CACNG2: variants seen among roughly 807,000 people sequenced by gnomAD.
CACNG2 encodes the protein calcium voltage-gated channel auxiliary subunit gamma 2.
Under a neutral mutation model 25.9 loss-of-function variants are expected in CACNG2, and 3 were observed. The ratio of observed to expected loss-of-function variants is 0.12; its 90% CI spans 0.05 to 0.30. The LOEUF (loss-of-function observed/expected upper bound fraction) is 0.30. Ranked by LOEUF, CACNG2 falls within the 10% of genes least tolerant of loss-of-function variation. CACNG2 has a pLI of 1.00. For synonymous variants in CACNG2, 167 were observed against 173.3 expected, an observed-to-expected ratio of 0.96 and a Z score of 0.29; for missense variants, 341 against 432.5, an observed-to-expected ratio of 0.79 and a Z score of 1.88.
chr22:36,622,933 T>C (rs1603501889), intron 1 of CACNG2, among the ~76,000 whole-genome samples: 1 of 147,098 alleles, frequency 6.8e-6, no homozygotes. Flanking sequence ...CACTCCAGCC[T>C]GGGCAACAAG....
intron 1 of CACNG2, among the ~76,000 whole-genome samples, chr22:36,652,584 T>C (rs1371007015): frequency 1.3e-5 from 2 of 152,184 alleles, no homozygotes; most frequent in Non-Finnish European, 2.9e-5. Context: ...AAAACCCCCA[T>C]ATACCTGTTT....
At chr22:36,599,101 C>T (rs890800928) in intron 1 of CACNG2, among the ~76,000 whole-genome samples, 3 of 152,180 alleles carry the variant, frequency 2.0e-5, no homozygotes, top group African/African-American at 7.2e-5. Flanking sequence ...ATGTTCATAA[C>T]AGCACTGCTT....
intron 1 of CACNG2, among the ~76,000 whole-genome samples, chr22:36,694,151 C>T (rs751996793): frequency 1.5e-4 from 23 of 152,188 alleles, no homozygotes; most frequent in Admixed American, 3.3e-4. Context: ...ACCCTGCCTA[C>T]GTTTCTCCCT....
rs151094322 is a variant in CACNG2, at chr22:36,578,280, C to T, written c.295+9185G>A. Among the ~76,000 whole-genome samples the T allele has an allele frequency of 5.7e-3, 859 of 151,794 alleles. 11 individuals carry two copies. The highest frequency in any genetic ancestry group is 0.02 in the African/African-American group (834 of 41,320). On this transcript the variant is annotated intron_variant, in intron 2 of 3. Coordinates refer to ENST00000300105, the MANE Select transcript of CACNG2 (RefSeq NM_006078.5). ...TACTGAGACAGAAGAATTGCTTGAA[C>T]CCAGGAGGCGGAGGTTGCAGTGAGC...
chr22:36,657,666 C>A (rs1936728126), intron 1 of CACNG2, among the ~76,000 whole-genome samples: 1 of 152,068 alleles, frequency 6.6e-6, no homozygotes, highest in Admixed American at 6.5e-5. Flanking sequence ...ACAGAGTTTT[C>A]ATTTTTATAA....
chr22:36,593,321 T>A (rs1213097135), intron 1 of CACNG2, among the ~76,000 whole-genome samples: 1 of 152,164 alleles, frequency 6.6e-6, no homozygotes, highest in African/African-American at 2.4e-5. Flanking sequence ...GGGAGCAGCA[T>A]TGGAGGCAAA....
At chr22:36,576,595 T>C (rs1935319203) in intron 2 of CACNG2, among the ~76,000 whole-genome samples, 1 of 148,426 alleles carries the variant, frequency 6.7e-6, no homozygotes, top group African/African-American at 2.5e-5. Flanking sequence ...TGTGTGTATG[T>C]GTGTGTGTGT....
At chr22:36,578,777 G>A (rs958834717) in intron 2 of CACNG2, among the ~76,000 whole-genome samples, 2 of 152,222 alleles carry the variant, frequency 1.3e-5, no homozygotes, top group African/African-American at 2.4e-5. Flanking sequence ...TAGGGCGGGC[G>A]GTACCTTGTT....
intron 1 of CACNG2, among the ~76,000 whole-genome samples, chr22:36,679,207 TTTCTTTCTTTCTTTCTTTCTTTCC>T (rs1194624168): frequency 0.013 from 1,846 of 146,202 alleles, 21 homozygotes; most frequent in South Asian, 0.024. Context: ...CCTTTCTTTC[TTTCTTTCTTTCTTTCTTTCTTTCC>T]TTCTTTCTTT....
chr22:36,581,350 C>T (rs1935415749), intron 2 of CACNG2, among the ~76,000 whole-genome samples: 1 of 152,090 alleles, frequency 6.6e-6, no homozygotes, highest in Non-Finnish European at 1.5e-5. Context: ...GTAAGAGTGT[C>T]CATTCATTAA....
At chr22:36,643,474 G>GTCTGTCTGTCTGTCTATCTA (rs561518849) in intron 1 of CACNG2, among the ~76,000 whole-genome samples, 2 of 149,132 alleles carry the variant, frequency 1.3e-5, no homozygotes, top group South Asian at 2.1e-4. Flanking sequence ...CTATCTGTCT[G>GTCTGTCTGTCTGTCTATCTA]TCTATCTATC....
chr22:36,646,239 C>T (rs181970638), intron 1 of CACNG2, among the ~76,000 whole-genome samples: 21 of 151,982 alleles, frequency 1.4e-4, no homozygotes, highest in African/African-American at 3.4e-4. Flanking sequence ...GAGCATTAGC[C>T]GAGGAAACTT....
At chr22:36,655,449 C>T (rs948872557) in intron 1 of CACNG2, among the ~76,000 whole-genome samples, 20 of 152,212 alleles carry the variant, frequency 1.3e-4, no homozygotes, top group African/African-American at 4.1e-4. Context: ...GTACTTACCA[C>T]TCTGTATGCC....
chr22:36,584,259 C>T lies in CACNG2; in HGVS notation c.295+3206G>A, dbSNP rs149044126. On this transcript the variant is annotated intron_variant, in intron 2 of 3. Coordinates refer to ENST00000300105, the MANE Select transcript of CACNG2 (RefSeq NM_006078.5). ...CTGAGGCCAGGAATTTAAGACCAGC[C>T]AGGCTAACATGGTGAAACCCCATCT... Among the ~76,000 whole-genome samples the T allele has an allele frequency of 2.8e-3, 432 of 152,300 alleles. 5 individuals are homozygous for T. The highest frequency in any genetic ancestry group is 9.8e-3 in the African/African-American group (407 of 41,560).
intron 1 of CACNG2, among the ~76,000 whole-genome samples, chr22:36,614,454 G>C (rs1223017936): frequency 6.6e-6 from 1 of 152,178 alleles, no homozygotes; most frequent in African/African-American, 2.4e-5. Context: ...CGCACTCTTT[G>C]GTATGGCGAC....
chr22:36,679,067 C>G (rs1253430343), intron 1 of CACNG2, among the ~76,000 whole-genome samples: 1 of 152,178 alleles, frequency 6.6e-6, no homozygotes, highest in Non-Finnish European at 1.5e-5. Context: ...AACTGATACT[C>G]AGTTATTAGT....
intron 1 of CACNG2, among the ~76,000 whole-genome samples, chr22:36,622,348 G>T (rs1936119088): frequency 6.6e-6 from 1 of 152,228 alleles, no homozygotes; most frequent in Admixed American, 6.5e-5. Context: ...CTGATTCAAT[G>T]GATTTGGGGC....
In CACNG2 at chr22:36,702,510, G is replaced by A. The variant is rs1937423420; in HGVS notation, c.67C>T (p.Leu23=). 1.2e-6 allele frequency: 2 copies of A among 1,613,992 alleles called. No homozygotes were observed. Among genetic ancestry groups the A allele is most frequent in the Non-Finnish European group, 1.7e-6 (2 of 1,180,016 alleles). Reference sequence around the variant, plus strand: ...TCGGTTCCCACAGCTATGGTCATCAGGCTGAAGGCAGCGAAAGCACCAACG... The same window carrying A: ...TCGGTTCCCACAGCTATGGTCATCAAGCTGAAGGCAGCGAAAGCACCAACG... ...TTVGAFAAFS[L]MTIAVGTDYW... is the part of the protein sequence containing the mutation. The change falls in exon 1 of 4, where the codon CTG becomes TTG. Residue 23 remains leucine (L), a synonymous_variant. Coordinates refer to ENST00000300105, the MANE Select transcript of CACNG2 (RefSeq NM_006078.5).
At chr22:36,567,579 G>T (rs897740177) in intron 2 of CACNG2, among the ~76,000 whole-genome samples, 1 of 151,308 alleles carries the variant, frequency 6.6e-6, no homozygotes, top group Non-Finnish European at 1.5e-5. Flanking sequence ...GGCTCCTACA[G>T]TTGGGGGTGG....
Sources: allele counts gnomAD v4.1 joint callset (sites outside exome capture counted in the v4.1 genomes callset), GRCh38; gene constraint gnomAD v4.1.1; transcripts MANE v1.5; gene names NCBI Gene and HGNC (gene_info 2026-07-23, HGNC 2026-07-21).